The following SCN1A variants were observed in gnomAD, a reference collection of about 807,000 sequenced individuals.
SCN1A encodes the protein sodium voltage-gated channel alpha subunit 1.
SCN1A carries 13 observed loss-of-function variants against 193.7 expected under a neutral mutation model. The ratio of observed to expected loss-of-function variants is 0.07; its 90% CI spans 0.04 to 0.11. The LOEUF is 0.11. Ranked by LOEUF, SCN1A falls within the 10% of genes least tolerant of loss-of-function variation. The pLI is 1.00. For synonymous variants in SCN1A, 781 were observed against 843.6 expected, an observed-to-expected ratio of 0.93 and a Z score of 1.29; for missense variants, 1,432 against 2,451.1, an observed-to-expected ratio of 0.58 and a Z score of 8.78.
At chr2:166,094,357 G>C (rs2106101608) in intron 2 of SCN1A, among the ~76,000 whole-genome samples, 1 of 152,240 alleles carries the variant, frequency 6.6e-6, no homozygotes, top group South Asian at 2.1e-4. Context: ...TTAGACCCCA[G>C]AGAATATCTG....
At chr2:165,993,323 C>T (rs1420436856) in intron 28 of SCN1A, 2 of 151,904 alleles carry the variant, frequency 1.3e-5, no homozygotes, top group African/African-American at 4.8e-5. Flanking sequence ...ATACAATGAG[C>T]TGGATATAAG....
chr2:165,994,451 G>T, intron 27 of SCN1A, 35 bp from the exon 28 acceptor site: 1 of 1,605,788 alleles, frequency 6.2e-7, no homozygotes, highest in Non-Finnish European at 8.5e-7. Context: ...AACAACAAAG[G>T]AGTTTTCTCA....
intron 19 of SCN1A, among the ~76,000 whole-genome samples, chr2:166,032,727 G>A (rs7606573): frequency 0.74 from 112,185 of 152,026 alleles, 41,778 homozygotes; most frequent in East Asian, 0.89. Context: ...ACAAAATTTC[G>A]TCTGGATGAG....
intron 2 of SCN1A, among the ~76,000 whole-genome samples, chr2:166,094,061 AC>A (rs1372157720): frequency 1.3e-5 from 2 of 152,294 alleles, no homozygotes; most frequent in South Asian, 2.1e-4. Flanking sequence ...ACACACACAC[AC>A]ACAAAAATGA....
intron 1 of SCN1A, among the ~76,000 whole-genome samples, chr2:166,140,301 T>C (rs908951617): frequency 6.6e-5 from 10 of 152,152 alleles, no homozygotes; most frequent in African/African-American, 2.4e-4. Flanking sequence ...CAGAAGACAA[T>C]AGTCTTTCTT....
At position 166,054,673 on chromosome 2, in the gene SCN1A, T is replaced by C; in HGVS notation, c.567A>G (p.Pro189=). Residue 189 remains proline (P), a synonymous_variant, in exon 7 of 29, where the codon CCA becomes CCG. Coordinates refer to ENST00000674923, the MANE Select transcript of SCN1A (RefSeq NM_001165963.4). ...TGACAGTGAAATCGAGCCAGTTCCATGGATCCCGAAGGAAAGTAAAATCTT... is the reference window on the plus strand; with the variant it reads ...TGACAGTGAAATCGAGCCAGTTCCACGGATCCCGAAGGAAAGTAAAATCTT... ...CLEDFTFLRD[P]WNWLDFTVIT... 6.2e-7 allele frequency: 1 copy of C among 1,612,412 alleles called. No individual in the cohort carries two copies.
intron 9 of SCN1A, among the ~76,000 whole-genome samples, chr2:166,050,740 A>G (rs1698462961): frequency 6.7e-6 from 1 of 148,980 alleles, no homozygotes; most frequent in Non-Finnish European, 1.5e-5. Flanking sequence ...CAGCCTCCCA[A>G]AGTGCTAGGA....
At chr2:166,111,341 T>C (rs1673845934) in intron 2 of SCN1A, among the ~76,000 whole-genome samples, 1 of 152,074 alleles carries the variant, frequency 6.6e-6, no homozygotes, top group African/African-American at 2.4e-5. Flanking sequence ...ACTCTGCCTG[T>C]GCTCTATAAG....
At chr2:166,117,443 CATTT>C (rs530588800) in intron 2 of SCN1A, among the ~76,000 whole-genome samples, 130 of 152,164 alleles carry the variant, frequency 8.5e-4, no homozygotes, top group African/African-American at 2.9e-3. Context: ...TAATTTTATT[CATTT>C]ATTTATTTAC....
intron 2 of SCN1A, among the ~76,000 whole-genome samples, chr2:166,084,730 G>A (rs1685917420): frequency 6.6e-6 from 1 of 152,068 alleles, no homozygotes; most frequent in South Asian, 2.1e-4. Flanking sequence ...ATCCTTTCAG[G>A]ACTCATGGTT....
At chr2:166,087,677 C>T (rs954609610) in intron 2 of SCN1A, among the ~76,000 whole-genome samples, 4 of 152,154 alleles carry the variant, frequency 2.6e-5, no homozygotes, top group African/African-American at 9.6e-5. Flanking sequence ...AAAAATTACC[C>T]AGCCTCAGAT....
chr2:166,018,860 A>G (rs981928008), intron 19 of SCN1A, among the ~76,000 whole-genome samples: 2 of 152,166 alleles, frequency 1.3e-5, no homozygotes, highest in African/African-American at 2.4e-5. Context: ...GTAAGTACCC[A>G]TATTACATTG....
At chr2:166,023,655 G>T (rs1049443687) in intron 19 of SCN1A, among the ~76,000 whole-genome samples, 1 of 152,122 alleles carries the variant, frequency 6.6e-6, no homozygotes, top group African/African-American at 2.4e-5. Flanking sequence ...TTCAGAGTGG[G>T]TATGGCTGCT....
chr2:166,052,367 A>G lies in SCN1A; in HGVS notation c.695-379T>C, dbSNP rs1698666266. ...CCTGAATAAATATTTTAAAATTCCT[A>G]TTTATAAGTAGGAAAGATTTTGCTG... On this transcript the variant is annotated intron_variant, in intron 8 of 28. Transcript: ENST00000674923. Among the ~76,000 whole-genome samples, 3 of 151,964 alleles carry G rather than the reference A, an allele frequency of 2.0e-5. No individual in the cohort carries two copies. The South Asian group carries it at 6.2e-4, about 31-fold the overall frequency.
chr2:166,149,119 GT>G (rs1692433617), exon 1 of SCN1A: 1 of 152,364 alleles, frequency 6.6e-6, no homozygotes, highest in South Asian at 2.1e-4. Context: ...TGGAGGAACA[GT>G]TCCATGAGTT....
intron 4 of SCN1A, among the ~76,000 whole-genome samples, chr2:166,063,996 T>C (rs1370917067): frequency 1.3e-5 from 2 of 152,092 alleles, no homozygotes; most frequent in African/African-American, 2.4e-5. Flanking sequence ...ATCCTTGCCA[T>C]GTAAAAATCA....
chr2:165,990,658 G>C lies in SCN1A; in HGVS notation c.*587C>G, dbSNP rs902148438. ...TTTCTTGTGACTTTTTCTCATGCATGATCTCTAAGTGCAGCATGCCCTCAT... is the reference window on the plus strand; with the variant it reads ...TTTCTTGTGACTTTTTCTCATGCATCATCTCTAAGTGCAGCATGCCCTCAT... On this transcript the variant is annotated 3_prime_UTR_variant, in exon 29 of 29. Coordinates refer to ENST00000674923, the MANE Select transcript of SCN1A (RefSeq NM_001165963.4). 6.5e-6 allele frequency: 1 copy of C among 152,728 alleles called. No homozygotes were observed. Among genetic ancestry groups the C allele is most frequent in the Admixed American group, 6.5e-5 (1 of 15,326 alleles). 9.5% of individuals were successfully genotyped at this position (152,728 alleles called of 1,614,324 possible).
intron 19 of SCN1A, among the ~76,000 whole-genome samples, chr2:166,021,468 A>G (rs1694055518): frequency 6.6e-6 from 1 of 152,170 alleles, no homozygotes; most frequent in Admixed American, 6.5e-5. Flanking sequence ...GGCATGTTAA[A>G]TAAGGAATAC....
At chr2:166,049,687 C>G (rs1698312835) in intron 9 of SCN1A, among the ~76,000 whole-genome samples, 1 of 151,888 alleles carries the variant, frequency 6.6e-6, no homozygotes. Context: ...AACTTTCTTT[C>G]TACTAAATAT....
Sources: gnomAD v4.1 joint callset for allele counts (sites outside exome capture counted in the v4.1 genomes callset) on GRCh38, gnomAD v4.1.1 for gene constraint, MANE v1.5 for transcripts, NCBI Gene and HGNC (gene_info 2026-07-23, HGNC 2026-07-21) for gene names.